Variants in CES5A observed in about 807,000 individuals in gnomAD.
CES5A encodes the protein carboxylesterase 5.
Under a neutral mutation model 62.9 loss-of-function variants are expected in CES5A, and 67 were observed. That is an observed-to-expected ratio of 1.07 (90% CI 0.88 to 1.31). The LOEUF (loss-of-function observed/expected upper bound fraction) is 1.31. Among genes scored for constraint, CES5A ranks in the 50% most tolerant of loss-of-function variants. The pLI is 0.00. For missense variants in CES5A, 748 were observed against 708.5 expected (o/e 1.06, Z -0.63); for synonymous variants, 296 against 280.8 (o/e 1.05, Z -0.54).
chr16:55,942,318 A>G (rs1193591911), intron 2 of CES5A, among the ~76,000 whole-genome samples: 3 of 152,248 alleles, frequency 2.0e-5, no homozygotes, highest in African/African-American at 7.2e-5. Flanking sequence ...TGCCACATTT[A>G]TATCTGACAA....
At chr16:55,866,337 A>C (rs533953593) in intron 4 of CES5A, among the ~76,000 whole-genome samples, 1 of 152,286 alleles carries the variant, frequency 6.6e-6, no homozygotes, top group African/African-American at 2.4e-5. Context: ...AAAAATGCAC[A>C]TTCAATATTG....
intron 10 of CES5A, 99 bp downstream of exon 10, chr16:55,852,782 C>T: frequency 7.4e-7 from 1 of 1,359,090 alleles, no homozygotes; most frequent in Non-Finnish European, 1.0e-6. Flanking sequence ...CATGATAGAA[C>T]AGAGGCAGAG....
At chr16:55,933,068 G>C (rs1052978702) in intron 2 of CES5A, among the ~76,000 whole-genome samples, 1 of 152,220 alleles carries the variant, frequency 6.6e-6, no homozygotes, top group South Asian at 2.1e-4. Context: ...TGAGAGTCCA[G>C]TGTGAATTGG....
At chr16:55,861,318 T>C (rs1448849450) in intron 7 of CES5A, 94 bp downstream of exon 7, 1 of 707,866 alleles carries the variant, frequency 1.4e-6, no homozygotes, top group East Asian at 2.7e-5. Flanking sequence ...CTTTTCTATG[T>C]TCCAAATTCA....
intron 1 of CES5A, among the ~76,000 whole-genome samples, chr16:55,911,893 T>C (rs544884034): frequency 6.6e-6 from 1 of 152,308 alleles, no homozygotes; most frequent in African/African-American, 2.4e-5. Flanking sequence ...CCAGTGCCTA[T>C]GGGGCTGCCA....
chr16:55,896,652 C>T (rs2033937674), intron 1 of CES5A, among the ~76,000 whole-genome samples: 1 of 152,244 alleles, frequency 6.6e-6, no homozygotes, highest in African/African-American at 2.4e-5. Context: ...AGGTTCCTGA[C>T]TCTTGGCCAG....
chr16:55,907,920 G>T lies in CES5A; in HGVS notation c.-256+17403C>A, dbSNP rs184498368. On this transcript the variant is annotated intron_variant, in intron 1 of 12. Coordinates refer to the CES5A transcript ENST00000518005. The stretch of plus-strand genomic sequence containing the variant: ...TGGCAGGTCTGCTCCACAGGAAACT[G>T]CCCATCTTCCCTCTTTCTGTCCCAC... Among the ~76,000 whole-genome samples the T allele has an allele frequency of 2.6e-5, 4 of 152,220 alleles. No individual in the cohort carries two copies. The East Asian group carries it at 7.7e-4, about 29-fold the overall frequency.
chr16:55,853,428 C>T (rs770818160), intron 9 of CES5A, among the ~76,000 whole-genome samples: 4 of 152,174 alleles, frequency 2.6e-5, no homozygotes, highest in South Asian at 2.1e-4. Flanking sequence ...ATGGTAACAG[C>T]GGAGCACTAA....
chr16:55,847,970 C>G (rs527361128), intron 11 of CES5A, among the ~76,000 whole-genome samples: 1 of 152,228 alleles, frequency 6.6e-6, no homozygotes, highest in African/African-American at 2.4e-5. Context: ...AGTGCAGTGG[C>G]ATGATCATAG....
chr16:55,934,466 C>T (rs1438647089), intron 2 of CES5A, among the ~76,000 whole-genome samples: 1 of 152,164 alleles, frequency 6.6e-6, no homozygotes, highest in African/African-American at 2.4e-5. Context: ...GATCCACGGA[C>T]TGGACTTAGA....
intron 6 of CES5A, among the ~76,000 whole-genome samples, 163 bp from the exon 7 acceptor site, chr16:55,861,679 GGT>G (rs138303534): frequency 0.035 from 5,312 of 152,230 alleles, 303 homozygotes; most frequent in African/African-American, 0.12. Context: ...AGGTGCACAT[GGT>G]GGACAGTTTC....
intron 1 of CES5A, among the ~76,000 whole-genome samples, chr16:55,888,613 A>G (rs1444506529): frequency 6.6e-6 from 1 of 152,204 alleles, no homozygotes; most frequent in Non-Finnish European, 1.5e-5. Context: ...CCTGAACCTT[A>G]GTCTTTGTCT....
At chr16:55,853,154 C>G in intron 9 of CES5A, 126 bp from the exon 10 acceptor site, 2 of 892,386 alleles carry the variant, frequency 2.2e-6, no homozygotes, top group Admixed American at 2.4e-5. Context: ...CACACAGCAA[C>G]CCTATGATGC....
At chr16:55,940,979 C>T (rs2034439707) in intron 2 of CES5A, among the ~76,000 whole-genome samples, 1 of 151,600 alleles carries the variant, frequency 6.6e-6, no homozygotes, top group South Asian at 2.1e-4. Flanking sequence ...TCTCCATAAA[C>T]TTGAAATAGA....
rs565647748 is a variant in CES5A, at chr16:55,907,474, T to C, written c.-256+17849A>G. Among the ~76,000 whole-genome samples, 10 of 152,358 alleles carry C rather than the reference T, an allele frequency of 6.6e-5. No homozygotes were observed. The East Asian group carries it at 1.3e-3, about 21-fold the overall frequency. On this transcript the variant is annotated intron_variant, in intron 1 of 12. Transcript: ENST00000518005. ...ATGCATATGAAAGGTTTTGGGTTTA[T>C]TCGGTGCCTCCAAGCTCCCAGACTC...
rs1188236271 is a variant in CES5A at position 55,903,754 on chromosome 16, T to C, written c.-256+21569A>G. On this transcript the variant is annotated intron_variant, in intron 1 of 12. Transcript: ENST00000518005. ...CTTACTGGAGTCTTTCTAGCTCAGA[T>C]CCTCTTTACAGACCTTTTACATCAG... Among the ~76,000 whole-genome samples, 3 of 152,330 alleles carry C rather than the reference T, an allele frequency of 2.0e-5. No individual in the cohort carries two copies. In the South Asian group the frequency reaches 6.2e-4, roughly 32 times the overall value.
intron 1 of CES5A, among the ~76,000 whole-genome samples, chr16:55,901,629 C>T (rs769718976): frequency 1.8e-4 from 27 of 152,106 alleles, no homozygotes; most frequent in Non-Finnish European, 2.8e-4. Flanking sequence ...TTATCGAGGG[C>T]GGCATTTATA....
chr16:55,905,807 C>T (rs1310744054), intron 1 of CES5A, among the ~76,000 whole-genome samples: 3 of 152,076 alleles, frequency 2.0e-5, no homozygotes, highest in Non-Finnish European at 2.9e-5. Flanking sequence ...GCAAAGTCCT[C>T]GTGATTACAA....
chr16:55,931,585 C>T (rs556503914), intron 2 of CES5A, among the ~76,000 whole-genome samples: 1 of 152,152 alleles, frequency 6.6e-6, no homozygotes, highest in Non-Finnish European at 1.5e-5. Flanking sequence ...CTATTCTCAC[C>T]CCTCTGATCC....
Sources: gnomAD v4.1 joint callset for allele counts (sites outside exome capture counted in the v4.1 genomes callset) on GRCh38, gnomAD v4.1.1 for gene constraint, MANE v1.5 for transcripts, NCBI Gene and HGNC (gene_info 2026-07-23, HGNC 2026-07-21) for gene names.